RBFOX1: variants seen among roughly 807,000 people sequenced by gnomAD.
The protein encoded by RBFOX1 is RNA binding protein fox-1 homolog 1.
Under a neutral mutation model 57.7 loss-of-function variants are expected in RBFOX1, and 8 were observed. That is an observed-to-expected ratio of 0.14 (90% CI 0.08 to 0.25). The LOEUF is 0.25. Among genes scored for constraint, RBFOX1 ranks in the 10% least tolerant of loss-of-function variants. The probability of loss-of-function intolerance (pLI) is 1.00; values close to 1 mark genes in which losing one functional copy is unlikely to be tolerated. For synonymous variants in RBFOX1, 326 were observed against 222.4 expected (o/e 1.47, Z -4.15); for missense variants, 611 against 548.5 (o/e 1.11, Z -1.14).
At chr16:5,758,884 C>T (rs750742230) in intron 3 of RBFOX1, among the ~76,000 whole-genome samples, 1 of 152,156 alleles carries the variant, frequency 6.6e-6, no homozygotes, top group Non-Finnish European at 1.5e-5. Flanking sequence ...GCTGACCCTC[C>T]ATGCAACATG....
intron 3 of RBFOX1, among the ~76,000 whole-genome samples, chr16:6,785,910 G>C (rs1309410828): frequency 6.6e-6 from 1 of 152,158 alleles, no homozygotes; most frequent in East Asian, 1.9e-4. Context: ...TACAAAAAAT[G>C]GCACTGTGAC....
intron 4 of RBFOX1, among the ~76,000 whole-genome samples, chr16:7,212,554 A>T (rs1163903216): frequency 6.6e-6 from 1 of 152,142 alleles, no homozygotes; most frequent in Non-Finnish European, 1.5e-5. Context: ...CTGGGCACGA[A>T]CATTTTTCCA....
chr16:7,232,328 A>T (rs1012518533), intron 4 of RBFOX1, among the ~76,000 whole-genome samples: 1 of 152,198 alleles, frequency 6.6e-6, no homozygotes, highest in African/African-American at 2.4e-5. Context: ...CTTAAGTGAG[A>T]TATATAACTT....
At chr16:7,466,437 A>T (rs533207410) in intron 4 of RBFOX1, among the ~76,000 whole-genome samples, 1 of 152,324 alleles carries the variant, frequency 6.6e-6, no homozygotes, top group South Asian at 2.1e-4. Context: ...TTTTAAGGAT[A>T]AGAAAAGAGG....
chr16:5,901,599 T>A (rs1643115767), intron 4 of RBFOX1, among the ~76,000 whole-genome samples: 1 of 152,166 alleles, frequency 6.6e-6, no homozygotes, highest in African/African-American at 2.4e-5. Flanking sequence ...AACAGCCCCA[T>A]TTCAAGCAGT....
At chr16:7,686,455 C>A (rs1230328165) in intron 14 of RBFOX1, among the ~76,000 whole-genome samples, 1 of 152,068 alleles carries the variant, frequency 6.6e-6, no homozygotes, top group African/African-American at 2.4e-5. Context: ...AATGCCCAAT[C>A]TCCCAGTATA....
At position 6,056,037 on chromosome 16, in the gene RBFOX1, G is replaced by T. The variant is rs1408993251; in HGVS notation, c.-127+36045G>T. Among the ~76,000 whole-genome samples the T allele has an allele frequency of 3.9e-5, 6 of 152,148 alleles. No individual in the cohort carries two copies. In the East Asian group the frequency reaches 7.7e-4, roughly 20 times the overall value. On this transcript the variant is annotated intron_variant, in intron 1 of 15. Coordinates refer to ENST00000550418, the MANE Select transcript of RBFOX1 (RefSeq NM_018723.4). ...TTTCATTTCTTTGCACTCAATGAGG[G>T]TTCTTGGGGTGGGATAGAGGGGCAA... is the stretch of plus-strand genomic sequence containing the variant.
At chr16:6,008,132 C>A (rs1198113907) in intron 4 of RBFOX1, among the ~76,000 whole-genome samples, 1 of 152,072 alleles carries the variant, frequency 6.6e-6, no homozygotes, top group African/African-American at 2.4e-5. Flanking sequence ...TTGAACCTGG[C>A]AGGCAGAGGT....
intron 1 of RBFOX1, among the ~76,000 whole-genome samples, chr16:5,425,196 C>T (rs1240671290): frequency 6.6e-6 from 1 of 151,648 alleles, no homozygotes; most frequent in East Asian, 1.9e-4. Context: ...ACCTCCGACT[C>T]CTTGGTTCAA....
chr16:6,335,785 A>C (rs1567961225), intron 2 of RBFOX1, among the ~76,000 whole-genome samples: 1 of 147,752 alleles, frequency 6.8e-6, no homozygotes, highest in Non-Finnish European at 1.5e-5. Context: ...CCAAAAAAAA[A>C]AAAAAGAAAA....
chr16:6,720,751 T>TGA (rs969453360), intron 3 of RBFOX1, among the ~76,000 whole-genome samples: 7 of 152,338 alleles, frequency 4.6e-5, no homozygotes, highest in African/African-American at 1.7e-4. Flanking sequence ...GCTTCATTTC[T>TGA]GAGTGTGCCA....
Position 6,118,924 on chromosome 16 carries a change from G to C in RBFOX1, c.-127+98932G>C, listed in dbSNP as rs185325164. Reference sequence around the variant, plus strand: ...CCAATACCATCACATTAGTGATTAGGTTTCAACATGTGAATATGGGGAGGG... The same window carrying C: ...CCAATACCATCACATTAGTGATTAGCTTTCAACATGTGAATATGGGGAGGG... On this transcript the variant is annotated intron_variant, in intron 1 of 15. Coordinates refer to ENST00000550418, the MANE Select transcript of RBFOX1 (RefSeq NM_018723.4). Among the ~76,000 whole-genome samples, 741 of 151,754 alleles carry C rather than the reference G, an allele frequency of 4.9e-3. 3 individuals carry two copies. Among genetic ancestry groups the C allele is most frequent in the Non-Finnish European group, 5.8e-3 (391 of 67,992 alleles).
At chr16:5,391,887 GTA>G (rs142607823) in intron 1 of RBFOX1, among the ~76,000 whole-genome samples, 10 of 146,578 alleles carry the variant, frequency 6.8e-5, no homozygotes, top group Admixed American at 4.0e-4. Flanking sequence ...GTGTGTGTGT[GTA>G]TACACACACA....
chr16:6,077,639 T>C lies in RBFOX1; in HGVS notation c.-127+57647T>C, dbSNP rs373929272. Among the ~76,000 whole-genome samples the C allele has an allele frequency of 1.4e-3, 216 of 152,226 alleles. 1 individual carries two copies. The highest frequency in any genetic ancestry group is 4.9e-3 in the African/African-American group (205 of 41,568). The stretch of plus-strand genomic sequence containing the variant: ...TCTTCGGTAGGTCAAAAAGTGCCCA[T>C]GCACTTTTCCCCTGCGCTCTTGCGT... On this transcript the variant is annotated intron_variant, in intron 1 of 15. Coordinates refer to ENST00000550418, the MANE Select transcript of RBFOX1 (RefSeq NM_018723.4).
At chr16:7,124,558 C>CCTCA (rs1404213421) in intron 4 of RBFOX1, among the ~76,000 whole-genome samples, 1 of 138,158 alleles carries the variant, frequency 7.2e-6, no homozygotes, top group Non-Finnish European at 1.6e-5. Context: ...TCCCTCCCTC[C>CCTCA]CTCCCTTCCT....
At chr16:6,250,188 A>G (rs1484402762) in intron 1 of RBFOX1, among the ~76,000 whole-genome samples, 3 of 152,180 alleles carry the variant, frequency 2.0e-5, no homozygotes, top group Non-Finnish European at 2.9e-5. Flanking sequence ...TCACCAGGCT[A>G]TAAGAGCAGG....
intron 3 of RBFOX1, among the ~76,000 whole-genome samples, chr16:6,999,097 G>T (rs1360037146): frequency 6.6e-6 from 1 of 150,450 alleles, no homozygotes; most frequent in African/African-American, 2.4e-5. Context: ...TTGAACTCCT[G>T]ACTTCAGGTG....
intron 3 of RBFOX1, among the ~76,000 whole-genome samples, chr16:5,682,303 G>C (rs757341084): frequency 6.6e-6 from 1 of 152,224 alleles, no homozygotes; most frequent in Non-Finnish European, 1.5e-5. Flanking sequence ...TGGGGTGGGA[G>C]TGGGTCTGAA....
chr16:6,483,722 T>C, intron 2 of RBFOX1: 1 of 1,413,630 alleles, frequency 7.1e-7, no homozygotes, highest in South Asian at 1.5e-5. Flanking sequence ...AGTGTGCAAA[T>C]TGACATTTTT....
Sources: gnomAD v4.1 joint callset for allele counts (sites outside exome capture counted in the v4.1 genomes callset) on GRCh38, gnomAD v4.1.1 for gene constraint, MANE v1.5 for transcripts, NCBI Gene and HGNC (gene_info 2026-07-23, HGNC 2026-07-21) for gene names.